The following SPIDR variants were observed in gnomAD, a reference collection of about 807,000 sequenced individuals.
SPIDR encodes scaffold protein involved in DNA repair.
SPIDR carries 93 observed loss-of-function variants against 104.6 expected under a neutral mutation model. That is an observed-to-expected ratio of 0.89 (90% CI 0.75 to 1.06). The LOEUF (loss-of-function observed/expected upper bound fraction) is 1.06, where lower values mean the gene tolerates loss of function less well. Among genes scored for constraint, SPIDR ranks in the 50% least tolerant of loss-of-function variants. The pLI is 0.00. For missense variants in SPIDR, 1,154 were observed against 1,111.2 expected, an observed-to-expected ratio of 1.04 and a Z score of -0.55; for synonymous variants, 431 against 416.9, an observed-to-expected ratio of 1.03 and a Z score of -0.41.
chr8:47,382,485 T>C (rs192862587), intron 5 of SPIDR, among the ~76,000 whole-genome samples: 8 of 152,358 alleles, frequency 5.3e-5, no homozygotes, highest in South Asian at 2.1e-4. Context: ...CAATCTTAAC[T>C]CACTGCAACC....
chr8:47,523,467 A>C (rs1376973751), intron 8 of SPIDR, among the ~76,000 whole-genome samples: 1 of 152,180 alleles, frequency 6.6e-6, no homozygotes, highest in Admixed American at 6.5e-5. Context: ...TTGAGGGAAA[A>C]GGCCAGCTGA....
In SPIDR at chr8:47,713,512, A is replaced by G. The variant is rs1476308788; in HGVS notation, c.2212A>G (p.Thr738Ala). The stretch of plus-strand genomic sequence containing the variant: ...AGGTCGGATTGTTTGTGCTGAACGA[A>G]CTGTCCTCTTGCTTCAGAAGCCCCT... ...DQGRIVCAER[T>A]VLLLQKPLLS... The change falls in exon 16 of 20, where the codon ACT becomes GCT. Residue 738 changes from threonine to alanine, a missense_variant. Physicochemically the swap from Thr to Ala is moderately conservative, Grantham distance 58. Transcript: ENST00000297423. 2 of 1,614,016 alleles carry G rather than the reference A, an allele frequency of 1.2e-6. No homozygotes were observed. The highest frequency in any genetic ancestry group is 1.3e-5 in the African/African-American group (1 of 74,908).
intron 1 of SPIDR, among the ~76,000 whole-genome samples, chr8:47,263,246 G>C (rs976528125): frequency 2.2e-4 from 33 of 152,184 alleles, no homozygotes; most frequent in African/African-American, 8.0e-4. Context: ...TAATATCTGT[G>C]TCTTATTCCT....
In SPIDR at chr8:47,273,043, G is replaced by A. The variant is rs367669876; in HGVS notation, c.34-6819G>A. Among the ~76,000 whole-genome samples, 39 of 152,254 alleles carry A rather than the reference G, an allele frequency of 2.6e-4. 1 individual carries two copies. Among genetic ancestry groups the A allele is most frequent in the African/African-American group, 9.1e-4 (38 of 41,552 alleles). On this transcript the variant is annotated intron_variant, in intron 1 of 19. Transcript: ENST00000297423. ...ACACTTCTATGCCCAGATGTGTGGGGTGTTTTATCCTGACACCAAGCATCC... is the reference window on the plus strand; with the variant it reads ...ACACTTCTATGCCCAGATGTGTGGGATGTTTTATCCTGACACCAAGCATCC...
chr8:47,452,276 C>A (rs1425113285), intron 8 of SPIDR, among the ~76,000 whole-genome samples: 12 of 151,824 alleles, frequency 7.9e-5, no homozygotes, highest in Admixed American at 7.2e-4. Context: ...GAAAACGAAA[C>A]AAGCAAAAAA....
intron 11 of SPIDR, among the ~76,000 whole-genome samples, chr8:47,680,871 G>A (rs188170738): frequency 2.4e-4 from 37 of 152,332 alleles, no homozygotes; most frequent in Admixed American, 7.2e-4. Context: ...ACTTTGGGAG[G>A]CCGAGAGGCA....
At chr8:47,294,281 CCTG>C (rs1165449332) in intron 5 of SPIDR, 2 of 407,032 alleles carry the variant, frequency 4.9e-6, no homozygotes, top group Non-Finnish European at 4.3e-6. Flanking sequence ...TGTTTTTTAT[CCTG>C]CTATTCTTCC....
At position 47,673,863 on chromosome 8, in the gene SPIDR, T is replaced by C. The variant is rs780570887; in HGVS notation, c.1607T>C (p.Met536Thr). ...GGTGAAGTGCACTTGGAGTTCACCA[T>C]GTCGAAGGCAAGACAGTTGGAAGGG... ...MFGEVHLEFT[M>T]SKARQLEGKS... is the part of the protein sequence containing the mutation. Residue 536 changes from methionine (M) to threonine (T), a missense_variant, in exon 11 of 20, where the codon ATG becomes ACG. By Grantham distance (81) the Met-to-Thr change is moderately conservative. Coordinates refer to ENST00000297423, the MANE Select transcript of SPIDR (RefSeq NM_001080394.4). The C allele has an allele frequency of 6.2e-6, 10 of 1,614,068 alleles. No homozygotes were observed. The Admixed American group carries it at 6.7e-5, about 11-fold the overall frequency.
At chr8:47,489,858 G>T (rs1329141404) in intron 8 of SPIDR, among the ~76,000 whole-genome samples, 1 of 152,028 alleles carries the variant, frequency 6.6e-6, no homozygotes, top group Admixed American at 6.6e-5. Flanking sequence ...AATTCAAGAT[G>T]GATTAAAGAC....
At chr8:47,316,775 T>A (rs782480506) in intron 5 of SPIDR, among the ~76,000 whole-genome samples, 1 of 152,302 alleles carries the variant, frequency 6.6e-6, no homozygotes, top group South Asian at 2.1e-4. Context: ...GAGTTTGAGT[T>A]CAGTGCTATA....
chr8:47,400,948 G>A (rs782287342), intron 6 of SPIDR, among the ~76,000 whole-genome samples: 41 of 152,098 alleles, frequency 2.7e-4, no homozygotes, highest in African/African-American at 8.2e-4. Flanking sequence ...CCAATCTAGC[G>A]AGGCAGGCCA....
intron 7 of SPIDR, among the ~76,000 whole-genome samples, chr8:47,417,792 A>C (rs2064629978): frequency 6.6e-6 from 1 of 152,106 alleles, no homozygotes. Flanking sequence ...TCTTGAATTA[A>C]TTTTTGTATA....
chr8:47,615,282 G>T (rs1479788318), intron 10 of SPIDR, among the ~76,000 whole-genome samples: 1 of 151,718 alleles, frequency 6.6e-6, no homozygotes, highest in Non-Finnish European at 1.5e-5. Context: ...TTGTGCTTTT[G>T]GTATCTTTTC....
intron 1 of SPIDR, among the ~76,000 whole-genome samples, chr8:47,265,780 T>G (rs1479637810): frequency 6.6e-6 from 1 of 152,182 alleles, no homozygotes; most frequent in African/African-American, 2.4e-5. Context: ...ATAAACTAAA[T>G]CTGGAGGCTG....
chr8:47,393,785 C>G (rs2060915925), intron 5 of SPIDR, among the ~76,000 whole-genome samples: 1 of 148,374 alleles, frequency 6.7e-6, no homozygotes, highest in East Asian at 2.0e-4. Flanking sequence ...TCTTTTCCTT[C>G]CCTTCCCCTT....
intron 2 of SPIDR, among the ~76,000 whole-genome samples, chr8:47,282,356 A>G (rs1430162401): frequency 3.9e-5 from 6 of 152,268 alleles, no homozygotes; most frequent in Non-Finnish European, 1.5e-5. Flanking sequence ...AAAGGGCATC[A>G]TCTTCTAATA....
Position 47,712,226 on chromosome 8 carries a change from T to C in SPIDR, c.1978-436T>C, listed in dbSNP as rs2081987525. Among the ~76,000 whole-genome samples the C allele has an allele frequency of 3.9e-5, 6 of 152,242 alleles. No individual in the cohort carries two copies. The South Asian group carries it at 1.0e-3, about 26-fold the overall frequency. On this transcript the variant is annotated intron_variant, in intron 14 of 19. Coordinates refer to ENST00000297423, the MANE Select transcript of SPIDR (RefSeq NM_001080394.4). ...TGCAACAAATATGCGACACCAGCTTTATACCAAGGCCCTGTACAAAGTCTG... is the reference window on the plus strand; with the variant it reads ...TGCAACAAATATGCGACACCAGCTTCATACCAAGGCCCTGTACAAAGTCTG...
intron 8 of SPIDR, among the ~76,000 whole-genome samples, chr8:47,552,162 A>G (rs1172929232): frequency 6.6e-6 from 1 of 152,116 alleles, no homozygotes; most frequent in Non-Finnish European, 1.5e-5. Flanking sequence ...TTGTTCTTTT[A>G]CATTTGCTGA....
chr8:47,689,931 A>G (rs1401066053), intron 11 of SPIDR, among the ~76,000 whole-genome samples: 2 of 152,218 alleles, frequency 1.3e-5, no homozygotes, highest in African/African-American at 4.8e-5. Context: ...AGGACTCAAC[A>G]GTTTCAGTCT....
Sources: allele counts gnomAD v4.1 joint callset (sites outside exome capture counted in the v4.1 genomes callset), GRCh38; gene constraint gnomAD v4.1.1; transcripts MANE v1.5; gene names NCBI Gene and HGNC (gene_info 2026-07-23, HGNC 2026-07-21).